SLC38A1: variants seen among roughly 807,000 people sequenced by gnomAD.
The protein encoded by SLC38A1 is solute carrier family 38 member 1.
In SLC38A1, 18 loss-of-function variants were observed where a neutral mutation model predicts 60.3. The observed-to-expected ratio is 0.30, with a 90% CI of 0.21 to 0.44. The LOEUF is 0.44. Among genes scored for constraint, SLC38A1 ranks in the 20% least tolerant of loss-of-function variants. The pLI is 1.00. For missense variants in SLC38A1, 448 were observed against 587.2 expected (o/e 0.76, Z 2.45); for synonymous variants, 196 against 212.1 (o/e 0.92, Z 0.66).
At chr12:46,248,635 A>T (rs925687832) in intron 1 of SLC38A1, among the ~76,000 whole-genome samples, 1 of 152,206 alleles carries the variant, frequency 6.6e-6, no homozygotes, top group Non-Finnish European at 1.5e-5. Context: ...TAACAAGGAT[A>T]TCCAAGACTT....
Position 46,229,146 on chromosome 12 carries a change from T to C in SLC38A1, c.314+7A>G. The C allele has an allele frequency of 6.4e-7, 1 of 1,567,766 alleles. No individual in the cohort carries two copies. Among genetic ancestry groups the C allele is most frequent in the Non-Finnish European group, 8.8e-7 (1 of 1,139,106 alleles). ...AAAATGGAAAGTACCGGCACGTCAA[T>C]ACTCACAGAAAAAGTAGGATTCCAG... On this transcript the variant is annotated splice_region_variant and intron_variant, in intron 5 of 16. Coordinates refer to ENST00000398637, the MANE Select transcript of SLC38A1 (RefSeq NM_030674.4).
chr12:46,218,498 CGG>C (rs1940513525), intron 5 of SLC38A1, among the ~76,000 whole-genome samples: 1 of 151,976 alleles, frequency 6.6e-6, no homozygotes. Context: ...GAGAAATAGG[CGG>C]TTTAAGAGGA....
At chr12:46,260,916 G>A (rs1350593874) in intron 1 of SLC38A1, among the ~76,000 whole-genome samples, 2 of 152,104 alleles carry the variant, frequency 1.3e-5, no homozygotes, top group Non-Finnish European at 2.9e-5. Context: ...AGACAGTCTT[G>A]CACATTCCTC....
At chr12:46,253,969 T>C (rs1226516216) in intron 1 of SLC38A1, among the ~76,000 whole-genome samples, 2 of 152,110 alleles carry the variant, frequency 1.3e-5, no homozygotes, top group East Asian at 1.9e-4. Flanking sequence ...CAAAAAGTAA[T>C]ATTTGGAAGA....
At chr12:46,231,398 C>T (rs1941072523) in intron 3 of SLC38A1, among the ~76,000 whole-genome samples, 1 of 152,128 alleles carries the variant, frequency 6.6e-6, no homozygotes, top group Non-Finnish European at 1.5e-5. Flanking sequence ...ATTTGTGTAA[C>T]ACAACTGGAC....
At chr12:46,195,955 G>A (rs771339954) in intron 16 of SLC38A1, 6 of 504,092 alleles carry the variant, frequency 1.2e-5, no homozygotes, top group Non-Finnish European at 1.8e-5. Context: ...TCCATGGGCT[G>A]CACCCACTGT....
At chr12:46,229,877 C>T (rs773090556) in intron 3 of SLC38A1, among the ~76,000 whole-genome samples, 73 of 152,178 alleles carry the variant, frequency 4.8e-4, no homozygotes, top group South Asian at 8.3e-4. Context: ...AGGCACTTTG[C>T]CTCATTCATT....
chr12:46,183,519 C>T lies in SLC38A1; in HGVS notation c.*5451G>A, dbSNP rs920158566. The T allele has an allele frequency of 1.3e-5, 2 of 152,116 alleles. No homozygotes were observed. The highest frequency in any genetic ancestry group is 2.1e-4 in the South Asian group (1 of 4,818). The allele number at this position is 152,116 out of a possible 1,614,324, so 9.4% of individuals were successfully genotyped here. A position where few individuals can be genotyped will look rare whatever the true frequency, so the allele number is the denominator to read the frequency against. On this transcript the variant is annotated 3_prime_UTR_variant, in exon 17 of 17. Transcript: ENST00000398637. ...AATTAATATTCAGGTTCCCTCTCCC[C>T]GCTTTCATAGATCCCAAAGTTTGAG...
At chr12:46,197,689 G>A in intron 16 of SLC38A1, 31 bp downstream of exon 16, 1 of 1,365,106 alleles carries the variant, frequency 7.3e-7, no homozygotes, top group Non-Finnish European at 1.0e-6. Flanking sequence ...AAACTAATCA[G>A]AAAAGTTAGA....
chr12:46,205,590 T>C (rs1247514069), intron 9 of SLC38A1, among the ~76,000 whole-genome samples: 1 of 152,140 alleles, frequency 6.6e-6, no homozygotes, highest in African/African-American at 2.4e-5. Context: ...TTGGAGATTA[T>C]CCGCCATTTC....
chr12:46,257,998 T>C (rs1357015093), intron 1 of SLC38A1, among the ~76,000 whole-genome samples: 2 of 152,200 alleles, frequency 1.3e-5, no homozygotes, highest in Non-Finnish European at 2.9e-5. Flanking sequence ...TCTTGATGAT[T>C]TGCTAAACAA....
At chr12:46,206,547 C>T (rs1298238022) in intron 8 of SLC38A1, among the ~76,000 whole-genome samples, 1 of 152,166 alleles carries the variant, frequency 6.6e-6, no homozygotes, top group African/African-American at 2.4e-5. Flanking sequence ...AGAAACAAGT[C>T]ACTACAGGTA....
In SLC38A1 at chr12:46,188,728, A is replaced by G. The variant is rs900154580; in HGVS notation, c.*242T>C. 4 of 396,776 alleles carry G rather than the reference A, an allele frequency of 1.0e-5. No individual in the cohort carries two copies. Among genetic ancestry groups the G allele is most frequent in the Non-Finnish European group, 1.8e-5 (4 of 218,006 alleles). The allele number at this position is 396,776 out of a possible 1,614,324, so 24.6% of individuals were successfully genotyped here. ...AAATGATTGTGAAAAGTACTGGGAAATATGATTGTATGAAATTTGAAAAAA... is the reference window on the plus strand; with the variant it reads ...AAATGATTGTGAAAAGTACTGGGAAGTATGATTGTATGAAATTTGAAAAAA... On this transcript the variant is annotated 3_prime_UTR_variant, in exon 17 of 17. Transcript: ENST00000398637.
At chr12:46,247,855 GC>G (rs1281629319) in intron 1 of SLC38A1, among the ~76,000 whole-genome samples, 2 of 152,196 alleles carry the variant, frequency 1.3e-5, no homozygotes, top group Non-Finnish European at 2.9e-5. Flanking sequence ...AACTCTACAA[GC>G]CAGAAGAGAG....
At chr12:46,251,433 G>A (rs1447383108) in intron 1 of SLC38A1, among the ~76,000 whole-genome samples, 1 of 152,154 alleles carries the variant, frequency 6.6e-6, no homozygotes, top group Non-Finnish European at 1.5e-5. Flanking sequence ...ACATAGGCAT[G>A]GGCAAGGACT....
At chr12:46,202,232 G>A (rs554213829) in intron 12 of SLC38A1, among the ~76,000 whole-genome samples, 40 of 151,480 alleles carry the variant, frequency 2.6e-4, no homozygotes, top group South Asian at 4.2e-4. Context: ...AGAAGTATAC[G>A]CTTGAGAAAA....
At chr12:46,255,602 T>C (rs1941993310) in intron 1 of SLC38A1, among the ~76,000 whole-genome samples, 1 of 152,262 alleles carries the variant, frequency 6.6e-6, no homozygotes, top group Admixed American at 6.5e-5. Context: ...ACATTTCACT[T>C]TTCTTACACA....
intron 1 of SLC38A1, among the ~76,000 whole-genome samples, chr12:46,265,909 C>G (rs1942335412): frequency 6.6e-6 from 1 of 152,084 alleles, no homozygotes. Flanking sequence ...GTCTCCAAGT[C>G]TAGGTAAGGT....
chr12:46,252,981 A>G (rs1408092346), intron 1 of SLC38A1, among the ~76,000 whole-genome samples: 1 of 146,496 alleles, frequency 6.8e-6, no homozygotes, highest in East Asian at 2.1e-4. Flanking sequence ...TCATGTATAC[A>G]TGGTATCTTT....
Sources: gnomAD v4.1 joint callset for allele counts (sites outside exome capture counted in the v4.1 genomes callset) on GRCh38, gnomAD v4.1.1 for gene constraint, MANE v1.5 for transcripts, NCBI Gene and HGNC (gene_info 2026-07-23, HGNC 2026-07-21) for gene names.